The following CSF1R variants were observed in gnomAD, a reference collection of about 807,000 sequenced individuals.
CSF1R encodes macrophage colony-stimulating factor 1 receptor.
Under a neutral mutation model 110.0 loss-of-function variants are expected in CSF1R, and 40 were observed. The ratio of observed to expected loss-of-function variants is 0.36; its 90% CI spans 0.28 to 0.47. The LOEUF (loss-of-function observed/expected upper bound fraction) is 0.47. Among genes scored for constraint, CSF1R ranks in the 20% least tolerant of loss-of-function variants. The pLI, the probability that CSF1R is intolerant of heterozygous loss-of-function variation, is 0.99. For synonymous variants in CSF1R, 523 were observed against 503.4 expected (o/e 1.04, Z -0.52); for missense variants, 1,052 against 1,253.0 (o/e 0.84, Z 2.42).
chr5:150,098,307 A>G (rs1759288750), intron 1 of CSF1R: 1 of 152,238 alleles, frequency 6.6e-6, no homozygotes, highest in Non-Finnish European at 1.5e-5. Context: ...AACTATTACA[A>G]GAAATAGAGA....
At chr5:150,093,162 TC>T (rs1219676381) in intron 1 of CSF1R, among the ~76,000 whole-genome samples, 1 of 152,186 alleles carries the variant, frequency 6.6e-6, no homozygotes, top group African/African-American at 2.4e-5. Context: ...CACTGCAACT[TC>T]CACCTCCCAG....
chr5:150,072,080 C>T (rs1221316361), intron 6 of CSF1R, among the ~76,000 whole-genome samples: 1 of 151,992 alleles, frequency 6.6e-6, no homozygotes, highest in Admixed American at 6.6e-5. Context: ...GACTCTGAGG[C>T]CGCATCTACA....
upstream of CSF1R, among the ~76,000 whole-genome samples, chr5:150,088,519 C>CTTTTTTTTTTTTTTTTTTT (rs528725145): frequency 6.8e-6 from 1 of 146,152 alleles, no homozygotes; most frequent in African/African-American, 2.5e-5. Context: ...CAAACCAAAT[C>CTTTTTTTTTTTTTTTTTTT]TTTTTTTTTT....
At chr5:150,070,658 GTTTAT>G (rs1045103867) in intron 6 of CSF1R, 87 bp from the exon 7 acceptor site, 5 of 922,560 alleles carry the variant, frequency 5.4e-6, no homozygotes, top group Non-Finnish European at 3.0e-6. Flanking sequence ...CCTTAAAGGG[GTTTAT>G]TTTATTTTTG....
intron 12 of CSF1R, 41 bp downstream of exon 12, chr5:150,061,450 A>AC: frequency 2.3e-6 from 1 of 434,290 alleles, no homozygotes; most frequent in South Asian, 2.9e-5. Context: ...CCCAGCATCT[A>AC]CCACCCCCCA....
At chr5:150,084,844 A>C (rs1447231506) in intron 1 of CSF1R, among the ~76,000 whole-genome samples, 1 of 152,176 alleles carries the variant, frequency 6.6e-6, no homozygotes. Context: ...TTGTGGGTGT[A>C]AGGATAGGAC....
chr5:150,082,773 A>G (rs1224524521), intron 1 of CSF1R, among the ~76,000 whole-genome samples: 2 of 152,188 alleles, frequency 1.3e-5, no homozygotes. Context: ...CCCACCCCAA[A>G]AACTTCAGCT....
At chr5:150,104,908 T>TCATTCTGTCACCCAGGCTGGAGTGC (rs1279580202) in intron 1 of CSF1R, among the ~76,000 whole-genome samples, 2 of 151,578 alleles carry the variant, frequency 1.3e-5, no homozygotes, top group Non-Finnish European at 1.5e-5. Flanking sequence ...AGATGGAGTT[T>TCATTCTGTCACCCAGGCTGGAGTGC]CATTCTGTCA....
intron 1 of CSF1R, among the ~76,000 whole-genome samples, chr5:150,108,650 T>G (rs1759621398): frequency 6.6e-6 from 1 of 152,192 alleles, no homozygotes; most frequent in Non-Finnish European, 1.5e-5. Flanking sequence ...TAGAATTCTG[T>G]GATTTTCCAG....
chr5:150,067,819 G>A (rs1194290094), intron 10 of CSF1R, among the ~76,000 whole-genome samples: 1 of 152,168 alleles, frequency 6.6e-6, no homozygotes, highest in East Asian at 1.9e-4. Flanking sequence ...TCTCCTCATA[G>A]CCTCTCACTC....
intron 1 of CSF1R, among the ~76,000 whole-genome samples, chr5:150,105,470 C>T (rs1759529268): frequency 6.7e-6 from 1 of 149,248 alleles, no homozygotes; most frequent in Non-Finnish European, 1.5e-5. Context: ...CCCGTTTTGG[C>T]TTCCCAAAAT....
rs777586738 is a variant in CSF1R, at chr5:150,054,439, T to C, written c.2655-9A>G. ...CCTGCATGATGCTGTATCTGGGAGATAGGACAGAGGATGCCCATGGGCAGC... is the reference window on the plus strand; with the variant it reads ...CCTGCATGATGCTGTATCTGGGAGACAGGACAGAGGATGCCCATGGGCAGC... On this transcript the variant is annotated splice_polypyrimidine_tract_variant and intron_variant, in intron 19 of 20. Coordinates refer to ENST00000675795, the MANE Select transcript of CSF1R (RefSeq NM_001288705.3). 1.2e-6 allele frequency: 2 copies of C among 1,606,932 alleles called. No individual in the cohort carries two copies. Among genetic ancestry groups the C allele is most frequent in the East Asian group, 2.2e-5 (1 of 44,786 alleles).
At chr5:150,094,266 A>G in intron 1 of CSF1R, 1 of 1,401,486 alleles carries the variant, frequency 7.1e-7, no homozygotes. Flanking sequence ...TATGCACTTT[A>G]GAACAGAGCT....
chr5:150,065,280 T>G (rs1268092454), intron 10 of CSF1R, among the ~76,000 whole-genome samples: 2 of 152,176 alleles, frequency 1.3e-5, no homozygotes, highest in Non-Finnish European at 2.9e-5. Context: ...CCCAGTGGAA[T>G]CTTTGGGGAC....
intron 1 of CSF1R, among the ~76,000 whole-genome samples, chr5:150,093,381 A>G (rs1759107005): frequency 6.6e-6 from 1 of 152,156 alleles, no homozygotes; most frequent in Admixed American, 6.5e-5. Context: ...ACCGGCCCTC[A>G]TGCTATATTT....
chr5:150,108,055 G>A (rs1200119919), intron 1 of CSF1R, among the ~76,000 whole-genome samples: 1 of 152,138 alleles, frequency 6.6e-6, no homozygotes, highest in Non-Finnish European at 1.5e-5. Context: ...GAGGAAGTGA[G>A]AAGGGTGAGG....
rs41338945 is a variant in CSF1R at position 150,077,432 on chromosome 5, C to T, written c.733G>A (p.Ala245Thr). 116 of 1,610,252 alleles carry T rather than the reference C, an allele frequency of 7.2e-5. No individual in the cohort carries two copies. Among genetic ancestry groups the T allele is most frequent in the East Asian group, 4.5e-4 (20 of 44,800 alleles). The change falls in exon 5 of 21, where the codon GCA (alanine) becomes ACA (threonine). Residue 245 changes from alanine (A) to threonine (T), a missense_variant. Transcript: ENST00000675795. Reference sequence around the variant, plus strand: ...TGAAAGTCAGATTGTTGAGGGATTGCGAGCTGCAGCCAGAAGGAATGGAGA... The same window carrying T: ...TGAAAGTCAGATTGTTGAGGGATTGTGAGCTGCAGCCAGAAGGAATGGAGA... ...VFLQHNNTKL[A>T]IPQQSDFHNN...
Position 150,103,519 on chromosome 5 carries a change from T to C in CSF1R, c.-181+9742A>G, listed in dbSNP as rs1759463546. 2.0e-5 allele frequency among the ~76,000 whole-genome samples: 3 copies of C among 152,172 alleles called. No homozygotes were observed. In the South Asian group the frequency reaches 6.2e-4, roughly 32 times the overall value. Reference sequence around the variant, plus strand: ...TCTGGCCTCCCTTACTCTCATCAGATCAACAACATGCAAGGTCATCAATGT... The same window carrying C: ...TCTGGCCTCCCTTACTCTCATCAGACCAACAACATGCAAGGTCATCAATGT... On this transcript the variant is annotated intron_variant, in intron 1 of 21. Transcript: ENST00000286301.
chr5:150,112,344 G>C (rs758667232), intron 1 of CSF1R, among the ~76,000 whole-genome samples: 1 of 152,258 alleles, frequency 6.6e-6, no homozygotes, highest in African/African-American at 2.4e-5. Context: ...GAGCTAATGT[G>C]TGTGAAGCAA....
Sources: gnomAD v4.1 joint callset for allele counts (sites outside exome capture counted in the v4.1 genomes callset) on GRCh38, gnomAD v4.1.1 for gene constraint, MANE v1.5 for transcripts, NCBI Gene and HGNC (gene_info 2026-07-23, HGNC 2026-07-21) for gene names.